The following ST8SIA5 variants were observed in gnomAD, a reference collection of about 807,000 sequenced individuals.
ST8SIA5 encodes the protein alpha-2,8-sialyltransferase 8E.
In ST8SIA5, 24 loss-of-function variants were observed where a neutral mutation model predicts 40.2. The ratio of observed to expected loss-of-function variants is 0.60; its 90% CI spans 0.43 to 0.84. The LOEUF (loss-of-function observed/expected upper bound fraction) is 0.84, where lower values mean the gene tolerates loss of function less well. Ranked by LOEUF, ST8SIA5 falls within the 40% of genes least tolerant of loss-of-function variation. ST8SIA5 has a pLI of 0.00. For missense variants in ST8SIA5, 465 were observed against 498.5 expected (o/e 0.93, Z 0.64); for synonymous variants, 198 against 201.8 (o/e 0.98, Z 0.16).
At chr18:46,750,525 C>T (rs2144573424) in intron 1 of ST8SIA5, among the ~76,000 whole-genome samples, 1 of 152,284 alleles carries the variant, frequency 6.6e-6, no homozygotes, top group Admixed American at 6.5e-5. Flanking sequence ...TCTTTCCCCA[C>T]TCACTCCCTG....
chr18:46,682,651 C>T (rs934681084), intron 5 of ST8SIA5, among the ~76,000 whole-genome samples: 5 of 152,198 alleles, frequency 3.3e-5, no homozygotes, highest in Non-Finnish European at 7.3e-5. Flanking sequence ...TGCAGCCTTA[C>T]GTGGCAGAAG....
intron 1 of ST8SIA5, among the ~76,000 whole-genome samples, chr18:46,711,703 C>T (rs1024470422): frequency 5.9e-5 from 9 of 152,226 alleles, no homozygotes; most frequent in African/African-American, 2.2e-4. Context: ...GAAGTGTCTT[C>T]CCAGATAGGT....
At chr18:46,721,075 C>T (rs570373429) in intron 1 of ST8SIA5, among the ~76,000 whole-genome samples, 14 of 152,102 alleles carry the variant, frequency 9.2e-5, no homozygotes, top group Admixed American at 2.0e-4. Context: ...AGAGCTTTGG[C>T]CCCCACCCCT....
At chr18:46,742,443 A>G (rs1428621582) in intron 1 of ST8SIA5, among the ~76,000 whole-genome samples, 1 of 150,828 alleles carries the variant, frequency 6.6e-6, no homozygotes, top group African/African-American at 2.4e-5. Context: ...AAAAAATAGC[A>G]GAATTGGACT....
At position 46,675,171 on chromosome 18, in the gene ST8SIA5, G is replaced by A. The variant is rs1340384580; in HGVS notation, c.*4871C>T. 1 of 152,248 alleles carries A rather than the reference G, an allele frequency of 6.6e-6. No homozygotes were observed. Among genetic ancestry groups the A allele is most frequent in the African/African-American group, 2.4e-5 (1 of 41,456 alleles). The allele number at this position is 152,248 out of a possible 1,614,324, so 9.4% of individuals were successfully genotyped here. On this transcript the variant is annotated 3_prime_UTR_variant, in exon 7 of 7. Coordinates refer to ENST00000315087, the MANE Select transcript of ST8SIA5 (RefSeq NM_013305.6). ...ATTGACAAGATACAGTGAACAAATA[G>A]ACATAAAGAGTGAAGGAGAAGGAAG...
In ST8SIA5 at chr18:46,704,511, C is replaced by A. The variant is rs139931734; in HGVS notation, c.224+61G>T. The A allele has an allele frequency of 4.3e-3, 6,245 of 1,453,568 alleles. 36 individuals are homozygous for A. Among genetic ancestry groups the A allele is most frequent in the Admixed American group, 5.7e-3 (331 of 58,370 alleles). 90.0% of individuals were successfully genotyped at this position (1,453,568 alleles called of 1,614,324 possible). On this transcript the variant is annotated intron_variant, in intron 2 of 6. Transcript: ENST00000315087. Reference sequence around the variant, plus strand: ...TTCCACCCTTGCCCCCACGCACTCACCCCCAACCCCTGCCCCACCTCCACA... The same window carrying A: ...TTCCACCCTTGCCCCCACGCACTCAACCCCAACCCCTGCCCCACCTCCACA...
At chr18:46,687,743 C>T (rs1328030135) in intron 4 of ST8SIA5, among the ~76,000 whole-genome samples, 1 of 152,208 alleles carries the variant, frequency 6.6e-6, no homozygotes, top group Non-Finnish European at 1.5e-5. Flanking sequence ...TCGCACTCAG[C>T]CAAGAAGCAA....
rs1197360771 is a variant in ST8SIA5, at chr18:46,676,557, G to A, written c.*3485C>T. The A allele has an allele frequency of 3.9e-5, 6 of 152,254 alleles. No homozygotes were observed. The highest frequency in any genetic ancestry group is 8.8e-5 in the Non-Finnish European group (6 of 68,066). 9.4% of individuals were successfully genotyped at this position (152,254 alleles called of 1,614,324 possible). A position where few individuals can be genotyped will look rare whatever the true frequency, so the allele number is the denominator to read the frequency against. On this transcript the variant is annotated 3_prime_UTR_variant, in exon 7 of 7. Coordinates refer to ENST00000315087, the MANE Select transcript of ST8SIA5 (RefSeq NM_013305.6). ...CACATGCTGTCTCTGGGCACCAGGT[G>A]ATTAGTGGGCAGAGCTGCCGCAGCA...
intron 5 of ST8SIA5, chr18:46,685,847 G>A: frequency 3.2e-6 from 1 of 315,594 alleles, no homozygotes; most frequent in South Asian, 4.8e-5. Flanking sequence ...GCTTCTGGAA[G>A]GGCAGCACCC....
chr18:46,755,870 C>A (rs1599162440), intron 1 of ST8SIA5, among the ~76,000 whole-genome samples: 1 of 152,162 alleles, frequency 6.6e-6, no homozygotes, highest in African/African-American at 2.4e-5. Context: ...ATAGCCACAG[C>A]CCACACTACC....
chr18:46,724,056 T>C (rs1200539178), intron 1 of ST8SIA5, among the ~76,000 whole-genome samples: 2 of 152,234 alleles, frequency 1.3e-5, no homozygotes, highest in African/African-American at 2.4e-5. Flanking sequence ...TCTCCACTAA[T>C]AGGCTGAGTA....
rs1303319371 is a variant in ST8SIA5, at chr18:46,680,126, G to A, written c.1047C>T (p.Ala349=). ...GGAAGTTGAAGATCTCAGAGGGCAT[G>A]GCGTGGAAGCCGGGACGCGGCTTGA... ...DNVKPRPGFH[A]MPSEIFNFLH... The change falls in exon 7 of 7, where the codon GCC becomes GCT. Residue 349 remains alanine (A), a synonymous_variant. Coordinates refer to ENST00000315087, the MANE Select transcript of ST8SIA5 (RefSeq NM_013305.6). The A allele has an allele frequency of 6.2e-7, 1 of 1,614,216 alleles. No individual in the cohort carries two copies. The highest frequency in any genetic ancestry group is 8.5e-7 in the Non-Finnish European group (1 of 1,180,048).
chr18:46,716,714 C>T (rs2039795636), intron 1 of ST8SIA5, among the ~76,000 whole-genome samples: 1 of 152,246 alleles, frequency 6.6e-6, no homozygotes, highest in East Asian at 1.9e-4. Flanking sequence ...AAGCCAGAGG[C>T]TCCTCGGGAT....
At chr18:46,753,705 A>T (rs1475521152) in intron 1 of ST8SIA5, among the ~76,000 whole-genome samples, 2 of 152,160 alleles carry the variant, frequency 1.3e-5, no homozygotes, top group Non-Finnish European at 2.9e-5. Context: ...GCTGGGGGCA[A>T]ACTATGCATT....
intron 2 of ST8SIA5, among the ~76,000 whole-genome samples, chr18:46,703,760 C>T (rs1475832866): frequency 1.3e-5 from 2 of 152,194 alleles, no homozygotes; most frequent in Admixed American, 1.3e-4. Context: ...CCAGATGTAA[C>T]TGTTTGCAAA....
chr18:46,746,231 A>G (rs970574437), intron 1 of ST8SIA5, among the ~76,000 whole-genome samples: 1 of 152,220 alleles, frequency 6.6e-6, no homozygotes, highest in Non-Finnish European at 1.5e-5. Flanking sequence ...TTCAGGCAAG[A>G]GAAAGAAATA....
intron 1 of ST8SIA5, among the ~76,000 whole-genome samples, chr18:46,752,044 G>A (rs534443305): frequency 6.6e-6 from 1 of 152,102 alleles, no homozygotes; most frequent in Non-Finnish European, 1.5e-5. Flanking sequence ...GGCCCTGCCT[G>A]CCTCACTCTG....
Position 46,704,436 on chromosome 18 carries a change from G to C in ST8SIA5, c.224+136C>G, listed in dbSNP as rs2039648989. 1.1e-5 allele frequency: 8 copies of C among 742,180 alleles called. No individual in the cohort carries two copies. In the East Asian group the frequency reaches 2.0e-4, roughly 19 times the overall value. 46.0% of individuals were successfully genotyped at this position (742,180 alleles called of 1,614,324 possible). ...TCCGAATGCCAGTGGCTCTGGGGAAGGAGACCTACTTTTCGCTCTATAGGA... is the reference window on the plus strand; with the variant it reads ...TCCGAATGCCAGTGGCTCTGGGGAACGAGACCTACTTTTCGCTCTATAGGA... On this transcript the variant is annotated intron_variant, in intron 2 of 6. Transcript: ENST00000315087.
At chr18:46,717,236 T>C (rs958681731) in intron 1 of ST8SIA5, among the ~76,000 whole-genome samples, 2 of 152,180 alleles carry the variant, frequency 1.3e-5, no homozygotes, top group African/African-American at 4.8e-5. Flanking sequence ...GTACCCTCTA[T>C]CCTCCTCTGC....
Sources: gnomAD v4.1 joint callset for allele counts (sites outside exome capture counted in the v4.1 genomes callset) on GRCh38, gnomAD v4.1.1 for gene constraint, MANE v1.5 for transcripts, NCBI Gene and HGNC (gene_info 2026-07-23, HGNC 2026-07-21) for gene names.